PPP1CB: variants seen among roughly 807,000 people sequenced by gnomAD.
PPP1CB encodes the protein protein phosphatase 1 catalytic subunit beta, also known as serine/threonine-protein phosphatase PP1-beta catalytic subunit.
Under a neutral mutation model 43.7 loss-of-function variants are expected in PPP1CB, and 2 were observed. That is an observed-to-expected ratio of 0.05 (90% confidence interval 0.02 to 0.14). The LOEUF is 0.14. Ranked by LOEUF, PPP1CB falls within the 10% of genes least tolerant of loss-of-function variation. The probability of loss-of-function intolerance (pLI) is 1.00; values close to 1 mark genes in which losing one functional copy is unlikely to be tolerated. For synonymous variants in PPP1CB, 136 were observed against 135.6 expected, an observed-to-expected ratio of 1.00 and a Z score of -0.02; for missense variants, 84 against 398.0, an observed-to-expected ratio of 0.21 and a Z score of 6.71.
At chr2:28,792,281 C>T (rs959707033) in intron 6 of PPP1CB, among the ~76,000 whole-genome samples, 4 of 151,562 alleles carry the variant, frequency 2.6e-5, no homozygotes, top group Non-Finnish European at 5.9e-5. Flanking sequence ...CAGAGGTTGC[C>T]GTGAGCCGAG....
chr2:28,791,160 A>G (rs1438919481), intron 6 of PPP1CB, among the ~76,000 whole-genome samples: 1 of 152,000 alleles, frequency 6.6e-6, no homozygotes, highest in Non-Finnish European at 1.5e-5. Context: ...CATGACACTT[A>G]CTACTGCTGC....
intron 1 of PPP1CB, among the ~76,000 whole-genome samples, chr2:28,762,649 A>G (rs1486542997): frequency 1.3e-5 from 2 of 152,234 alleles, no homozygotes; most frequent in Non-Finnish European, 2.9e-5. Flanking sequence ...ATCTGAAATT[A>G]TATCCATGAA....
At chr2:28,797,305 C>T (rs112721508) in intron 7 of PPP1CB, among the ~76,000 whole-genome samples, 32 of 152,150 alleles carry the variant, frequency 2.1e-4, no homozygotes, top group African/African-American at 7.7e-4. Context: ...GGGGGGAGGT[C>T]CTCTTCCTGG....
rs1193816563 is a variant in PPP1CB, at chr2:28,793,814, A to C, written c.745-49A>C. The C allele has an allele frequency of 3.1e-6, 5 of 1,606,192 alleles. No individual in the cohort carries two copies. In the Admixed American group the frequency reaches 8.4e-5, roughly 27 times the overall value. On this transcript the variant is annotated intron_variant, in intron 6 of 7. Transcript: ENST00000395366. ...TAACCTTAATTAGTATAGATGGTTC[A>C]GAATTACCCACCAATAAATGTTTTT...
chr2:28,754,257 C>G (rs1293284523), intron 1 of PPP1CB, among the ~76,000 whole-genome samples: 1 of 139,506 alleles, frequency 7.2e-6, no homozygotes, highest in African/African-American at 2.7e-5. Flanking sequence ...AGAAAAGACA[C>G]TGGGGGAAAA....
chr2:28,777,011 C>T, intron 2 of PPP1CB, 29 bp downstream of exon 2: 1 of 1,601,514 alleles, frequency 6.2e-7, no homozygotes. Flanking sequence ...TTGGAAACAA[C>T]TCTTTTGAAT....
chr2:28,760,238 C>T (rs1322919238), intron 1 of PPP1CB, among the ~76,000 whole-genome samples: 1 of 152,068 alleles, frequency 6.6e-6, no homozygotes, highest in Non-Finnish European at 1.5e-5. Context: ...GTATGATATG[C>T]TTTTGTTTTA....
intron 1 of PPP1CB, among the ~76,000 whole-genome samples, chr2:28,766,423 C>T (rs1354508810): frequency 2.6e-5 from 4 of 152,220 alleles, no homozygotes; most frequent in African/African-American, 9.6e-5. Flanking sequence ...AGACTTCAAA[C>T]ATCCTACATT....
intron 1 of PPP1CB, among the ~76,000 whole-genome samples, chr2:28,756,461 A>G (rs1666490765): frequency 6.6e-6 from 1 of 152,166 alleles, no homozygotes; most frequent in African/African-American, 2.4e-5. Context: ...CTTGTGAAAC[A>G]GGTATAGTAC....
At chr2:28,784,265 A>G (rs1039699668) in intron 5 of PPP1CB, among the ~76,000 whole-genome samples, 2 of 152,202 alleles carry the variant, frequency 1.3e-5, no homozygotes, top group Admixed American at 6.5e-5. Context: ...TCCCTCATTC[A>G]TACTAGCATT....
rs947620729 is a variant in PPP1CB, at chr2:28,769,159, C to G, written c.53-7692C>G. On this transcript the variant is annotated intron_variant, in intron 1 of 7. Coordinates refer to ENST00000395366, the MANE Select transcript of PPP1CB (RefSeq NM_002709.3). The stretch of plus-strand genomic sequence containing the variant: ...AATATGAATGATGGCTGATCTATCA[C>G]CTGAAACTGTGGAAGACAGAAGACA... Among the ~76,000 whole-genome samples, 13 of 152,146 alleles carry G rather than the reference C, an allele frequency of 8.5e-5. 1 individual carries two copies. Among genetic ancestry groups the G allele is most frequent in the Admixed American group, 8.5e-4 (13 of 15,268 alleles).
At chr2:28,769,194 TG>T (rs540789818) in intron 1 of PPP1CB, among the ~76,000 whole-genome samples, 29 of 152,304 alleles carry the variant, frequency 1.9e-4, no homozygotes, top group African/African-American at 7.0e-4. Flanking sequence ...AATAGAATGG[TG>T]TTCTCTTTAA....
intron 5 of PPP1CB, among the ~76,000 whole-genome samples, chr2:28,785,278 G>C (rs1219215479): frequency 2.0e-5 from 3 of 151,450 alleles, no homozygotes; most frequent in Non-Finnish European, 4.4e-5. Context: ...GTTTCACCAT[G>C]TTGGCCAGGA....
chr2:28,797,158 G>A (rs568801522), intron 7 of PPP1CB, among the ~76,000 whole-genome samples: 1 of 152,188 alleles, frequency 6.6e-6, no homozygotes, highest in East Asian at 1.9e-4. Flanking sequence ...TTGATGTGTT[G>A]CTGGATTCGG....
intron 2 of PPP1CB, 22 bp from the exon 3 acceptor site, chr2:28,778,787 A>T (rs1225327578): frequency 1.3e-6 from 2 of 1,505,902 alleles, no homozygotes; most frequent in Non-Finnish European, 1.8e-6. Flanking sequence ...ATTTTTCTAA[A>T]ACTGACTCTT....
At chr2:28,755,641 G>A (rs1369390601) in intron 1 of PPP1CB, among the ~76,000 whole-genome samples, 1 of 152,168 alleles carries the variant, frequency 6.6e-6, no homozygotes, top group African/African-American at 2.4e-5. Context: ...TTCTCAAAGA[G>A]GGGTGGGAAA....
intron 1 of PPP1CB, among the ~76,000 whole-genome samples, chr2:28,755,448 G>T (rs780018496): frequency 2.6e-5 from 4 of 152,136 alleles, no homozygotes; most frequent in South Asian, 4.1e-4. Flanking sequence ...TATTCTTTCG[G>T]TATGTTTTCT....
rs752994405 is a variant in PPP1CB at position 28,776,990 on chromosome 2, A to G, written c.184+8A>G. On this transcript the variant is annotated splice_region_variant and intron_variant, in intron 2 of 7. Coordinates refer to ENST00000395366, the MANE Select transcript of PPP1CB (RefSeq NM_002709.3). Reference sequence around the variant, plus strand: ...CACCGCTGAAAATTTGTGGTATGTAAATGGGTAAAGTTGGAAACAACTCTT... The same window carrying G: ...CACCGCTGAAAATTTGTGGTATGTAGATGGGTAAAGTTGGAAACAACTCTT... 8 of 1,612,190 alleles carry G rather than the reference A, an allele frequency of 5.0e-6. 1 individual carries two copies. In the South Asian group the frequency reaches 8.8e-5, roughly 18 times the overall value.
chr2:28,752,271 T>G, intron 1 of PPP1CB, 95 bp downstream of exon 1: 3 of 1,167,368 alleles, frequency 2.6e-6, no homozygotes, highest in Non-Finnish European at 3.6e-6. Flanking sequence ...GGGACCCCTT[T>G]CCCGCCCCGA....
Sources: allele counts gnomAD v4.1 joint callset (sites outside exome capture counted in the v4.1 genomes callset), GRCh38; gene constraint gnomAD v4.1.1; transcripts MANE v1.5; gene names NCBI Gene and HGNC (gene_info 2026-07-23, HGNC 2026-07-21).